Variants in KIF5B observed in about 807,000 individuals in gnomAD.
KIF5B encodes the protein kinesin-1 heavy chain.
In KIF5B, 49 loss-of-function variants were observed where a neutral mutation model predicts 132.8. The ratio of observed to expected loss-of-function variants is 0.37; its 90% CI spans 0.29 to 0.47. The LOEUF (loss-of-function observed/expected upper bound fraction) is 0.47, where lower values mean the gene tolerates loss of function less well. Among genes scored for constraint, KIF5B ranks in the 20% least tolerant of loss-of-function variants. The pLI is 1.00. For synonymous variants in KIF5B, 355 were observed against 369.4 expected (o/e 0.96, Z 0.45); for missense variants, 780 against 1,144.0 (o/e 0.68, Z 4.59).
At chr10:32,046,479 T>A in intron 2 of KIF5B, among the ~76,000 whole-genome samples, 1 of 152,228 alleles carries the variant, frequency 6.6e-6, no homozygotes. Flanking sequence ...ATTACTGTTG[T>A]AATAAAACAG....
chr10:32,042,864 C>T (rs1841560533), intron 2 of KIF5B, among the ~76,000 whole-genome samples: 1 of 152,122 alleles, frequency 6.6e-6, no homozygotes, highest in Non-Finnish European at 1.5e-5. Context: ...TAGGCAAAAG[C>T]TCTGAGAATT....
At chr10:32,014,565 G>A (rs972729896) in intron 25 of KIF5B, among the ~76,000 whole-genome samples, 1 of 151,572 alleles carries the variant, frequency 6.6e-6, no homozygotes, top group Non-Finnish European at 1.5e-5. Context: ...GAGAGAGAGA[G>A]AGAGATAGTA....
chr10:32,018,078 C>G lies in KIF5B; in HGVS notation c.2518G>C (p.Glu840Gln), dbSNP rs755519238. 2 of 1,608,548 alleles carry G rather than the reference C, an allele frequency of 1.2e-6. No homozygotes were observed. The highest frequency in any genetic ancestry group is 1.7e-6 in the Non-Finnish European group (2 of 1,175,582). ...TGTTTGTGCACTTTAGTGAGCTGTTCAAGATTATTTTCAAGAAAGGAGATT... is the reference window on the plus strand; with the variant it reads ...TGTTTGTGCACTTTAGTGAGCTGTTGAAGATTATTTTCAAGAAAGGAGATT... ...QKISFLENNL[E>Q]QLTKVHKQLV... The change falls in exon 23 of 26, where the codon GAA becomes CAA. Residue 840 changes from glutamate to glutamine, a missense_variant. Transcript: ENST00000302418.
intron 11 of KIF5B, 50 bp downstream of exon 11, chr10:32,034,640 T>C: frequency 4.3e-6 from 6 of 1,382,248 alleles, no homozygotes; most frequent in Non-Finnish European, 5.8e-6. Context: ...GTTTCTATGC[T>C]CTAAATCTGT....
Position 32,046,819 on chromosome 10 carries a change from A to C in KIF5B, c.214+1645T>G, listed in dbSNP as rs151110063. Among the ~76,000 whole-genome samples the C allele has an allele frequency of 6.1e-3, 923 of 152,334 alleles. 5 individuals are homozygous for C. The highest frequency in any genetic ancestry group is 0.021 in the African/African-American group (882 of 41,560). On this transcript the variant is annotated intron_variant, in intron 2 of 25. Coordinates refer to ENST00000302418, the MANE Select transcript of KIF5B (RefSeq NM_004521.3). ...CATAATCTCAATTTCAAGTAGAGAT[A>C]CTAATCAACTTACGATGGGGTTACT... is the stretch of plus-strand genomic sequence containing the variant.
intron 23 of KIF5B, among the ~76,000 whole-genome samples, chr10:32,017,564 C>T (rs896474532): frequency 3.9e-5 from 6 of 152,148 alleles, no homozygotes; most frequent in Admixed American, 1.3e-4. Flanking sequence ...GTATAATTTC[C>T]TTTAATTTTT....
In KIF5B at chr10:32,027,823, G is replaced by T. The variant is rs371738176; in HGVS notation, c.1725+605C>A. On this transcript the variant is annotated intron_variant, in intron 15 of 25. Coordinates refer to ENST00000302418, the MANE Select transcript of KIF5B (RefSeq NM_004521.3). The stretch of plus-strand genomic sequence containing the variant: ...TTGCCACGTTGCCCAGGCTGGTCTC[G>T]AACTCCTGGGCTCAAGTGATCCTCC... Among the ~76,000 whole-genome samples the T allele has an allele frequency of 3.3e-5, 5 of 151,586 alleles. No homozygotes were observed. The South Asian group carries it at 1.0e-3, about 32-fold the overall frequency.
In KIF5B at chr10:32,021,289, T is replaced by C; in HGVS notation, c.2033-2A>G. 1 of 1,606,886 alleles carries C rather than the reference T, an allele frequency of 6.2e-7. No individual in the cohort carries two copies. Among genetic ancestry groups the C allele is most frequent in the Non-Finnish European group, 8.5e-7 (1 of 1,174,174 alleles). ...CCTTTTCCATTTCATGGACTTTCTCTGTTTGAATAGAGAGAAAATAGAAGA... is the reference window on the plus strand; with the variant it reads ...CCTTTTCCATTTCATGGACTTTCTCCGTTTGAATAGAGAGAAAATAGAAGA... On this transcript the variant is annotated splice_acceptor_variant, in intron 17 of 25. Coordinates refer to ENST00000302418, the MANE Select transcript of KIF5B (RefSeq NM_004521.3). LOFTEE classifies it high-confidence loss of function.
chr10:32,034,106 T>TA (rs909960176), intron 11 of KIF5B, 68 bp from the exon 12 acceptor site: 30 of 1,021,942 alleles, frequency 2.9e-5, no homozygotes, highest in Middle Eastern at 2.2e-4. Context: ...TTCATTCCTT[T>TA]AAAAATTTTT....
chr10:32,022,225 G>A lies in KIF5B; in HGVS notation c.1947C>T (p.Tyr649=), dbSNP rs1240265426. ...HEAKIKSLTE[Y]LQNVEQKKRQ... is the part of the protein sequence containing the mutation. ...TTTTCTTTTGTTCCACATTTTGAAG[G>A]TATTCAGTCAATGACTTGATTTTGG... The change falls in exon 17 of 26, where the codon TAC becomes TAT. Residue 649 remains tyrosine, a synonymous_variant. Coordinates refer to ENST00000302418, the MANE Select transcript of KIF5B (RefSeq NM_004521.3). 6.2e-7 allele frequency: 1 copy of A among 1,612,660 alleles called. No individual in the cohort carries two copies. Among genetic ancestry groups the A allele is most frequent in the Non-Finnish European group, 8.5e-7 (1 of 1,179,238 alleles).
rs200828941 is a variant in KIF5B at position 32,018,184 on chromosome 10, A to G, written c.2440-28T>C. Reference sequence around the variant, plus strand: ...GAGAAAAGAAGGTAAGTATTACAAAAAAATTAAAAAAAACTAAGCTTAACT... The same window carrying G: ...GAGAAAAGAAGGTAAGTATTACAAAGAAATTAAAAAAAACTAAGCTTAACT... On this transcript the variant is annotated intron_variant, in intron 22 of 25. Transcript: ENST00000302418. The G allele has an allele frequency of 2.6e-6, 4 of 1,529,396 alleles. No individual in the cohort carries two copies. In the East Asian group the frequency reaches 9.0e-5, roughly 35 times the overall value. The allele number at this position is 1,529,396 out of a possible 1,614,324, so 94.7% of individuals were successfully genotyped here. A position where few individuals can be genotyped will look rare whatever the true frequency, so the allele number is the denominator to read the frequency against.
At chr10:32,028,280 A>G in intron 15 of KIF5B, 148 bp downstream of exon 15, 1 of 604,134 alleles carries the variant, frequency 1.7e-6, no homozygotes, top group East Asian at 2.9e-5. Flanking sequence ...CTCCTGATCT[A>G]TTTAAAATGC....
At position 32,056,210 on chromosome 10, in the gene KIF5B, A is replaced by AGCG. The variant is rs1174432971; in HGVS notation, c.-240_-238dup. The AGCG allele has an allele frequency of 1.6e-5, 8 of 493,814 alleles. No homozygotes were observed. The East Asian group carries it at 2.5e-4, about 15-fold the overall frequency. 30.6% of individuals were successfully genotyped at this position (493,814 alleles called of 1,614,324 possible). On this transcript the variant is annotated 5_prime_UTR_variant, in exon 1 of 26. Transcript: ENST00000302418. ...CCATCATGGCAGCCATGGCGGCGGC[A>AGCG]GCGGCGGCGGCACCGGGGAGAGCGT...
intron 2 of KIF5B, among the ~76,000 whole-genome samples, chr10:32,045,200 A>G (rs1841593825): frequency 6.6e-6 from 1 of 152,172 alleles, no homozygotes; most frequent in Non-Finnish European, 1.5e-5. Flanking sequence ...GAAGAGACAG[A>G]ACTCACGAGA....
chr10:32,015,803 T>A, intron 24 of KIF5B, 144 bp from the exon 25 acceptor site: 1 of 639,084 alleles, frequency 1.6e-6, no homozygotes, highest in Non-Finnish European at 2.6e-6. Context: ...CTTTTTCTTT[T>A]CTGTAACATC....
chr10:32,038,084 T>G (rs1841484156), intron 6 of KIF5B, 79 bp downstream of exon 6: 2 of 822,528 alleles, frequency 2.4e-6, no homozygotes, highest in African/African-American at 3.5e-5. Context: ...CACTCCAGCC[T>G]GGGCGACAGA....
intron 9 of KIF5B, 95 bp from the exon 10 acceptor site, chr10:32,035,762 T>C (rs764845251): frequency 5.9e-6 from 8 of 1,359,066 alleles, no homozygotes; most frequent in Non-Finnish European, 8.1e-6. Context: ...CACATACTGA[T>C]TCAAACACAT....
chr10:32,031,634 G>A (rs1054550421), intron 13 of KIF5B, among the ~76,000 whole-genome samples: 1 of 151,944 alleles, frequency 6.6e-6, no homozygotes, highest in Non-Finnish European at 1.5e-5. Context: ...AGTTGGCTAG[G>A]AGAGATCGAC....
chr10:32,053,582 G>C lies in KIF5B; in HGVS notation c.126+2266C>G, dbSNP rs189944326. Among the ~76,000 whole-genome samples the C allele has an allele frequency of 2.7e-3, 415 of 151,958 alleles. 9 individuals are homozygous for C. The highest frequency in any genetic ancestry group is 0.024 in the Admixed American group (373 of 15,274). The stretch of plus-strand genomic sequence containing the variant: ...CTACTAAAAATACAAAAATTAGCTG[G>C]GCGTGGTAGCGCGTGCCTGTAATCC... On this transcript the variant is annotated intron_variant, in intron 1 of 25. Coordinates refer to ENST00000302418, the MANE Select transcript of KIF5B (RefSeq NM_004521.3).
Sources: gnomAD v4.1 joint callset for allele counts (sites outside exome capture counted in the v4.1 genomes callset) on GRCh38, gnomAD v4.1.1 for gene constraint, MANE v1.5 for transcripts, NCBI Gene and HGNC (gene_info 2026-07-23, HGNC 2026-07-21) for gene names.